Variants in PHLPP1 observed in about 807,000 individuals in gnomAD.
PHLPP1 encodes the protein PH domain leucine-rich repeat-containing protein phosphatase 1.
In PHLPP1, 42 loss-of-function variants were observed where a neutral mutation model predicts 117.2. That is an observed-to-expected ratio of 0.36 (90% CI 0.28 to 0.46). The LOEUF is 0.46. Ranked by LOEUF, PHLPP1 falls within the 20% of genes least tolerant of loss-of-function variation. PHLPP1 has a pLI of 1.00. For synonymous variants in PHLPP1, 1,042 were observed against 970.7 expected (o/e 1.07, Z -1.37); for missense variants, 2,084 against 2,241.9 (o/e 0.93, Z 1.42).
At chr18:62,721,914 A>G (rs1910930923) in intron 1 of PHLPP1, among the ~76,000 whole-genome samples, 1 of 152,240 alleles carries the variant, frequency 6.6e-6, no homozygotes. Flanking sequence ...TACTGGTAAC[A>G]TAACATTCAC....
intron 1 of PHLPP1, among the ~76,000 whole-genome samples, chr18:62,734,016 T>C (rs563275885): frequency 6.6e-6 from 1 of 152,334 alleles, no homozygotes; most frequent in Non-Finnish European, 1.5e-5. Flanking sequence ...TAAGCAAATA[T>C]TCGTTTTGAT....
chr18:62,957,664 C>T (rs895064919), intron 12 of PHLPP1, among the ~76,000 whole-genome samples: 1 of 150,818 alleles, frequency 6.6e-6, no homozygotes, highest in African/African-American at 2.4e-5. Context: ...CTCTGTCGCC[C>T]AGGCCAGAAT....
Position 62,717,000 on chromosome 18 carries a change from A to C in PHLPP1, c.1317A>C (p.Ala439=). ...GCGAGGGGTCGTGCGAGGAGAAGGC[A>C]GCGGCAGCCGTGGCCCCGGGAGGCC... ...AVREGSCEEK[A]AAAVAPGGLQ... is the part of the protein sequence containing the mutation. Residue 439 remains alanine (A), a synonymous_variant, in exon 1 of 17, where the codon GCA becomes GCC. Coordinates refer to ENST00000262719, the MANE Select transcript of PHLPP1 (RefSeq NM_194449.4). This position sits in a 1 kb window ranked among gnomAD's most constrained non-coding sequence, Gnocchi z 5.7. 1 of 1,543,396 alleles carries C rather than the reference A, an allele frequency of 6.5e-7. No individual in the cohort carries two copies. Among genetic ancestry groups the C allele is most frequent in the Non-Finnish European group, 8.7e-7 (1 of 1,145,934 alleles).
chr18:62,780,117 C>T (rs1400648030), intron 1 of PHLPP1, among the ~76,000 whole-genome samples: 2 of 152,020 alleles, frequency 1.3e-5, no homozygotes, highest in East Asian at 1.9e-4. Flanking sequence ...AGGTTGTATG[C>T]GTATGTGGTA....
intron 2 of PHLPP1, among the ~76,000 whole-genome samples, chr18:62,836,755 A>T (rs79025087): frequency 6.6e-6 from 1 of 151,554 alleles, no homozygotes; most frequent in Admixed American, 6.6e-5. Context: ...AAAAAAAAAA[A>T]CTTCTATATT....
intron 1 of PHLPP1, among the ~76,000 whole-genome samples, chr18:62,727,998 T>G (rs527450781): frequency 1.3e-5 from 2 of 152,118 alleles, no homozygotes; most frequent in East Asian, 3.9e-4. Context: ...TTAGAGATAA[T>G]TTTTTAGGCC....
At chr18:62,954,616 T>C (rs1340541122) in intron 12 of PHLPP1, among the ~76,000 whole-genome samples, 1 of 152,162 alleles carries the variant, frequency 6.6e-6, no homozygotes, top group East Asian at 1.9e-4. Flanking sequence ...TTTTTTCAAC[T>C]TTCTATAATT....
rs1054128849 is a variant in PHLPP1, at chr18:62,716,808, G to A, written c.1125G>A (p.Ser375=). 8 of 1,526,642 alleles carry A rather than the reference G, an allele frequency of 5.2e-6. No individual in the cohort carries two copies. The highest frequency in any genetic ancestry group is 6.1e-6 in the Non-Finnish European group (7 of 1,142,598). 94.6% of individuals were successfully genotyped at this position (1,526,642 alleles called of 1,614,324 possible). The change falls in exon 1 of 17, where the codon TCG becomes TCA. Residue 375 remains serine, a synonymous_variant. Coordinates refer to ENST00000262719, the MANE Select transcript of PHLPP1 (RefSeq NM_194449.4). The surrounding 1 kb of genome is among the most constrained non-coding windows in gnomAD (Gnocchi z 5.7). Reference sequence around the variant, plus strand: ...GCAGCGGCGGCGGCTCCTCGTCGTCGTCGGAAGAGCTCGAGGCCGACGCAG... The same window carrying A: ...GCAGCGGCGGCGGCTCCTCGTCGTCATCGGAAGAGCTCGAGGCCGACGCAG... ...PYSSGGGSSS[S]SEELEADAAS...
chr18:62,939,692 C>G lies in PHLPP1; in HGVS notation c.2961-2026C>G, dbSNP rs1599132191. 2.1e-5 allele frequency among the ~76,000 whole-genome samples: 3 copies of G among 141,910 alleles called. No individual in the cohort carries two copies. The South Asian group carries it at 6.6e-4, about 31-fold the overall frequency. 93.1% of individuals were successfully genotyped at this position (141,910 alleles called of 152,430 possible). A position where few individuals can be genotyped will look rare whatever the true frequency, so the allele number is the denominator to read the frequency against. On this transcript the variant is annotated intron_variant, in intron 10 of 16. Coordinates refer to ENST00000262719, the MANE Select transcript of PHLPP1 (RefSeq NM_194449.4). ...ACGTGTTTCTTTAATGGAAAATGTT[C>G]TATTTTGGGGAAGCTGCTTTTCCTC...
At position 62,945,288 on chromosome 18, in the gene PHLPP1, C is replaced by A; in HGVS notation, c.3324+17C>A. On this transcript the variant is annotated intron_variant, in intron 12 of 16. Coordinates refer to ENST00000262719, the MANE Select transcript of PHLPP1 (RefSeq NM_194449.4). ...GAGATCAAGGTATGTGGTTTCATTT[C>A]ATAAACTCTAAGCTTCAGGTCGGCA... 2 of 1,580,268 alleles carry A rather than the reference C, an allele frequency of 1.3e-6. No homozygotes were observed. Among genetic ancestry groups the A allele is most frequent in the Non-Finnish European group, 1.7e-6 (2 of 1,165,394 alleles).
chr18:62,902,707 G>A (rs1916753149), intron 6 of PHLPP1, among the ~76,000 whole-genome samples: 2 of 152,164 alleles, frequency 1.3e-5, no homozygotes, highest in African/African-American at 4.8e-5. Flanking sequence ...TAAAGTCAAT[G>A]TGCTTATTCC....
chr18:62,923,296 A>C (rs548121216), intron 10 of PHLPP1, among the ~76,000 whole-genome samples: 21 of 152,302 alleles, frequency 1.4e-4, no homozygotes, highest in Admixed American at 6.5e-5. Flanking sequence ...GGGAATGAGA[A>C]GGGGCAAATA....
chr18:62,780,265 G>A (rs1314110671), intron 1 of PHLPP1, among the ~76,000 whole-genome samples: 3 of 152,142 alleles, frequency 2.0e-5, no homozygotes, highest in African/African-American at 7.2e-5. Flanking sequence ...TTTCATTTTT[G>A]TTAGTGGCTG....
At position 62,895,145 on chromosome 18, in the gene PHLPP1, G is replaced by A; in HGVS notation, c.2201G>A (p.Gly734Glu). ...NALRSVPAAVGVMHNLQTFLL... is the reference protein window; with the variant it reads ...NALRSVPAAVEVMHNLQTFLL... Reference sequence around the variant, plus strand: ...CTGCGATCAGTCCCGGCAGCCGTTGGAGTGATGCACAAGTGTGTACTTCAA... The same window carrying A: ...CTGCGATCAGTCCCGGCAGCCGTTGAAGTGATGCACAAGTGTGTACTTCAA... The change falls in exon 5 of 17, where the codon GGA (glycine) becomes GAA (glutamate). Residue 734 changes from glycine (G) to glutamate (E), a missense_variant. Physicochemically the swap from Gly to Glu is moderately conservative, Grantham distance 98. Transcript: ENST00000262719. 1 of 1,613,762 alleles carries A rather than the reference G, an allele frequency of 6.2e-7. No individual in the cohort carries two copies.
intron 4 of PHLPP1, among the ~76,000 whole-genome samples, chr18:62,883,407 A>T (rs1916213574): frequency 6.6e-6 from 1 of 152,204 alleles, no homozygotes. Flanking sequence ...AAGGATATGA[A>T]TGTGTATCTC....
rs1360259504 is a variant in PHLPP1 at position 62,941,865 on chromosome 18, C to T, written c.3108C>T (p.Pro1036=). 6.2e-7 allele frequency: 1 copy of T among 1,613,838 alleles called. No homozygotes were observed. The highest frequency in any genetic ancestry group is 2.2e-5 in the East Asian group (1 of 44,898). ...GTGTGCCCTTGTTAACGGGACACCC[C>T]CATTTGAAGATCCTTCACATGGCCT... ...DKCVPLLTGH[P]HLKILHMAYN... The change falls in exon 11 of 17, where the codon CCC becomes CCT. Residue 1036 remains proline (P), a synonymous_variant. Transcript: ENST00000262719.
At chr18:62,791,649 G>T (rs1349922622) in intron 1 of PHLPP1, among the ~76,000 whole-genome samples, 1 of 152,144 alleles carries the variant, frequency 6.6e-6, no homozygotes, top group Non-Finnish European at 1.5e-5. Context: ...TATTAGCTGA[G>T]CATCATGAAA....
rs780302465 is a variant in PHLPP1, at chr18:62,975,549, C to T, written c.3908C>T (p.Pro1303Leu). 10 of 1,613,982 alleles carry T rather than the reference C, an allele frequency of 6.2e-6. No homozygotes were observed. The highest frequency in any genetic ancestry group is 8.5e-6 in the Non-Finnish European group (10 of 1,179,840). The change falls in exon 16 of 17, where the codon CCT (proline) becomes CTT (leucine). Residue 1303 changes from proline (P) to leucine (L), a missense_variant. Coordinates refer to ENST00000262719, the MANE Select transcript of PHLPP1 (RefSeq NM_194449.4). ...CTCTGTCGAAATGGAAAGCCGCTGC[C>T]TCTGTCCAGATCTTACATCATGAGC... ...TVLCRNGKPLPLSRSYIMSCE... is the reference protein window; with the variant it reads ...TVLCRNGKPLLLSRSYIMSCE...
chr18:62,880,956 T>C (rs1916160760), intron 4 of PHLPP1, among the ~76,000 whole-genome samples: 1 of 152,242 alleles, frequency 6.6e-6, no homozygotes, highest in Non-Finnish European at 1.5e-5. Context: ...GAGCTGTGCC[T>C]TATTTGTTAT....
Sources: allele counts gnomAD v4.1 joint callset (sites outside exome capture counted in the v4.1 genomes callset), GRCh38; gene constraint gnomAD v4.1.1; non-coding constraint Gnocchi (gnomAD v3.1); transcripts MANE v1.5; gene names NCBI Gene and HGNC (gene_info 2026-07-23, HGNC 2026-07-21).